IGF1R: variants seen among roughly 807,000 people sequenced by gnomAD.
IGF1R encodes the protein insulin-like growth factor 1 receptor.
IGF1R carries 44 observed loss-of-function variants against 144.6 expected under a neutral mutation model. The observed-to-expected ratio is 0.30, with a 90% CI of 0.24 to 0.39. The LOEUF is 0.39. Among genes scored for constraint, IGF1R ranks in the 10% least tolerant of loss-of-function variants. The probability of loss-of-function intolerance (pLI) is 1.00; values close to 1 mark genes in which losing one functional copy is unlikely to be tolerated. For synonymous variants in IGF1R, 795 were observed against 722.8 expected, an observed-to-expected ratio of 1.10 and a Z score of -1.60; for missense variants, 1,355 against 1,833.7, an observed-to-expected ratio of 0.74 and a Z score of 4.77.
chr15:98,843,241 G>T (rs1463063219), intron 2 of IGF1R, among the ~76,000 whole-genome samples: 3 of 152,158 alleles, frequency 2.0e-5, no homozygotes, highest in Non-Finnish European at 4.4e-5. Flanking sequence ...TCCCCAGAAA[G>T]TTAGAATATT....
At chr15:98,836,590 C>G (rs934123368) in intron 2 of IGF1R, among the ~76,000 whole-genome samples, 2 of 150,950 alleles carry the variant, frequency 1.3e-5, no homozygotes, top group Non-Finnish European at 2.9e-5. Flanking sequence ...TTTACATAAT[C>G]TATACACCAA....
intron 2 of IGF1R, among the ~76,000 whole-genome samples, chr15:98,735,664 T>C (rs1040442781): frequency 6.6e-6 from 1 of 152,192 alleles, no homozygotes; most frequent in African/African-American, 2.4e-5. Context: ...GGTCGCAAAA[T>C]AGCAAACACC....
chr15:98,901,178 G>A (rs1433371308), intron 5 of IGF1R, among the ~76,000 whole-genome samples: 1 of 152,204 alleles, frequency 6.6e-6, no homozygotes, highest in Non-Finnish European at 1.5e-5. Context: ...GTGCTCAGGT[G>A]TTTGGGAGGC....
At chr15:98,896,728 T>G (rs1221206364) in intron 3 of IGF1R, 29 bp from the exon 4 acceptor site, 1 of 1,611,698 alleles carries the variant, frequency 6.2e-7, no homozygotes. Flanking sequence ...ATTATGTGTG[T>G]TTTTGATTTT....
At position 98,735,029 on chromosome 15, in the gene IGF1R, A is replaced by G. The variant is rs535372160; in HGVS notation, c.640+26922A>G. ...CTTCCTGGTCCTGTGTGAGACCCTG[A>G]AAGGTCCTAATGGCAGTGCTGATTA... On this transcript the variant is annotated intron_variant, in intron 2 of 20. Coordinates refer to ENST00000650285, the MANE Select transcript of IGF1R (RefSeq NM_000875.5). Among the ~76,000 whole-genome samples the G allele has an allele frequency of 2.0e-5, 3 of 152,208 alleles. No homozygotes were observed. In the South Asian group the frequency reaches 6.2e-4, roughly 32 times the overall value.
At chr15:98,665,282 T>A (rs1167859800) in intron 1 of IGF1R, among the ~76,000 whole-genome samples, 1 of 152,146 alleles carries the variant, frequency 6.6e-6, no homozygotes, top group Non-Finnish European at 1.5e-5. Context: ...TAAAGAGAGT[T>A]TGACAAGCGC....
At chr15:98,868,234 A>G (rs1374409379) in intron 2 of IGF1R, among the ~76,000 whole-genome samples, 1 of 139,622 alleles carries the variant, frequency 7.2e-6, no homozygotes, top group Admixed American at 8.0e-5. Flanking sequence ...GTAGTCCCAG[A>G]TACTTGGGAG....
At chr15:98,887,314 T>G (rs919182620) in intron 2 of IGF1R, among the ~76,000 whole-genome samples, 1 of 139,400 alleles carries the variant, frequency 7.2e-6, no homozygotes, top group Non-Finnish European at 1.5e-5. Context: ...ACAGGTACTT[T>G]GTCAGTTTTT....
intron 7 of IGF1R, among the ~76,000 whole-genome samples, chr15:98,912,752 A>G (rs1400603699): frequency 6.6e-6 from 1 of 152,202 alleles, no homozygotes; most frequent in African/African-American, 2.4e-5. Context: ...AAATGCTGCA[A>G]TCAGAAGAGA....
chr15:98,653,202 T>C (rs1268102687), intron 1 of IGF1R, among the ~76,000 whole-genome samples: 1 of 152,196 alleles, frequency 6.6e-6, no homozygotes, highest in Non-Finnish European at 1.5e-5. Context: ...AGGAGCTGGA[T>C]TTAAAAAACA....
intron 2 of IGF1R, among the ~76,000 whole-genome samples, chr15:98,838,573 T>A (rs561378903): frequency 3.9e-5 from 6 of 152,350 alleles, no homozygotes; most frequent in African/African-American, 1.4e-4. Flanking sequence ...CATGACCTTT[T>A]CATGCCCTTG....
intron 2 of IGF1R, among the ~76,000 whole-genome samples, chr15:98,852,758 T>C (rs2011592496): frequency 6.6e-6 from 1 of 152,182 alleles, no homozygotes; most frequent in Non-Finnish European, 1.5e-5. Context: ...TTTCCCTCCA[T>C]GTCTGTTTTC....
At chr15:98,691,139 C>A (rs1389903642) in intron 1 of IGF1R, among the ~76,000 whole-genome samples, 1 of 152,060 alleles carries the variant, frequency 6.6e-6, no homozygotes, top group African/African-American at 2.4e-5. Context: ...AAACTCAAGA[C>A]TTTTTTTGGA....
At chr15:98,794,002 C>A (rs559527443) in intron 2 of IGF1R, among the ~76,000 whole-genome samples, 1 of 152,300 alleles carries the variant, frequency 6.6e-6, no homozygotes, top group East Asian at 1.9e-4. Flanking sequence ...AGTGGCGAAG[C>A]GCCCTATCTT....
rs556327825 is a variant in IGF1R, at chr15:98,960,862, G to A, written c.*3420G>A. 2.9e-4 allele frequency: 67 copies of A among 233,912 alleles called. No individual in the cohort carries two copies. The highest frequency in any genetic ancestry group is 1.3e-3 in the African/African-American group (58 of 45,452). The allele number at this position is 233,912 out of a possible 1,614,324, so 14.5% of individuals were successfully genotyped here. On this transcript the variant is annotated 3_prime_UTR_variant, in exon 21 of 21. Coordinates refer to ENST00000650285, the MANE Select transcript of IGF1R (RefSeq NM_000875.5). ...TAGACAGAGATGTACCAAACCTTCCGGCTGGAAAGCCCAGTGGCCGGCGCC... is the reference window on the plus strand; with the variant it reads ...TAGACAGAGATGTACCAAACCTTCCAGCTGGAAAGCCCAGTGGCCGGCGCC...
chr15:98,815,062 G>C (rs1291346741), intron 2 of IGF1R, among the ~76,000 whole-genome samples: 1 of 152,076 alleles, frequency 6.6e-6, no homozygotes, highest in African/African-American at 2.4e-5. Context: ...TTATGCGTTT[G>C]TTTTAGCTCT....
At chr15:98,864,355 C>G (rs1567167250) in intron 2 of IGF1R, among the ~76,000 whole-genome samples, 5 of 152,212 alleles carry the variant, frequency 3.3e-5, no homozygotes. Flanking sequence ...ATGAAGAAAT[C>G]ATTATTCAGA....
intron 5 of IGF1R, among the ~76,000 whole-genome samples, chr15:98,904,177 G>C (rs991979192): frequency 1.3e-5 from 2 of 150,876 alleles, no homozygotes; most frequent in Non-Finnish European, 2.9e-5. Flanking sequence ...TCAGCCTCCC[G>C]AGTAGCCGGG....
At chr15:98,651,710 G>A (rs1380309754) in intron 1 of IGF1R, among the ~76,000 whole-genome samples, 4 of 152,144 alleles carry the variant, frequency 2.6e-5, no homozygotes, top group Admixed American at 6.5e-5. Context: ...GCAGGAGGGA[G>A]GGGGTGTTTT....
Sources: gnomAD v4.1 joint callset for allele counts (sites outside exome capture counted in the v4.1 genomes callset) on GRCh38, gnomAD v4.1.1 for gene constraint, MANE v1.5 for transcripts, NCBI Gene and HGNC (gene_info 2026-07-23, HGNC 2026-07-21) for gene names.